The following SEMA6D variants were observed in gnomAD, a reference collection of about 807,000 sequenced individuals.
SEMA6D encodes semaphorin-6D.
SEMA6D carries 35 observed loss-of-function variants against 106.6 expected under a neutral mutation model. The ratio of observed to expected loss-of-function variants is 0.33; its 90% CI spans 0.25 to 0.44. SEMA6D has a LOEUF of 0.44. Ranked by LOEUF, SEMA6D falls within the 20% of genes least tolerant of loss-of-function variation. SEMA6D has a pLI of 1.00. For missense variants in SEMA6D, 1,185 were observed against 1,345.9 expected (o/e 0.88, Z 1.87); for synonymous variants, 499 against 487.7 (o/e 1.02, Z -0.31).
In SEMA6D at chr15:47,424,186, G is replaced by A. The variant is rs2041258808; in HGVS notation, c.-159+11714G>A. Among the ~76,000 whole-genome samples the A allele has an allele frequency of 1.3e-5, 2 of 151,990 alleles. 1 individual carries two copies. Among genetic ancestry groups the A allele is most frequent in the Middle Eastern group, 6.3e-3 (2 of 316 alleles). On this transcript the variant is annotated intron_variant, in intron 2 of 19. Coordinates refer to the SEMA6D transcript ENST00000558014. Reference sequence around the variant, plus strand: ...GAGTAGCTATGCTAACTAGGAAAGTGCACTCGAAACATCCTCTGATTAGAA... The same window carrying A: ...GAGTAGCTATGCTAACTAGGAAAGTACACTCGAAACATCCTCTGATTAGAA...
chr15:47,335,295 G>A (rs2037507992), intron 1 of SEMA6D, among the ~76,000 whole-genome samples: 1 of 152,134 alleles, frequency 6.6e-6, no homozygotes, highest in East Asian at 1.9e-4. Flanking sequence ...AGAAGAACAT[G>A]TTTGGGTTGA....
At position 47,612,778 on chromosome 15, in the gene SEMA6D, T is replaced by C. The variant is rs1420383837; in HGVS notation, c.-55+11882T>C. 1.2e-4 allele frequency among the ~76,000 whole-genome samples: 18 copies of C among 152,240 alleles called. No individual in the cohort carries two copies. In the East Asian group the frequency reaches 3.3e-3, roughly 28 times the overall value. On this transcript the variant is annotated intron_variant, in intron 4 of 19. Coordinates refer to the SEMA6D transcript ENST00000558014. ...TTTATTTTTTATTTTTTATTTTTTT[T>C]TTGGTGTCTGGAATGTTGAGATTGA...
chr15:47,771,008 T>C lies in SEMA6D; in HGVS notation c.2445T>C (p.Pro815=), dbSNP rs534361472. The C allele has an allele frequency of 1.2e-5, 19 of 1,614,094 alleles. 1 individual carries two copies. The highest frequency in any genetic ancestry group is 2.2e-5 in the East Asian group (1 of 44,860). ...TPQFFPSSPP[P]HSPLSHGHIP... ...AGTTTTTTCCGTCTAGTCCGCCACC[T>C]CATTCCCCATTAAGTCATGGGCATA... The change falls in exon 19 of 19, where the codon CCT becomes CCC. Residue 815 remains proline, a synonymous_variant. Coordinates refer to ENST00000536845, the MANE Select transcript of SEMA6D (RefSeq NM_001358351.3).
intron 1 of SEMA6D, among the ~76,000 whole-genome samples, chr15:47,756,892 T>A (rs2081774351): frequency 7.4e-6 from 1 of 135,224 alleles, no homozygotes; most frequent in Admixed American, 7.7e-5. Flanking sequence ...CAAGTCTGAA[T>A]GTAATTTTTT....
intron 1 of SEMA6D, among the ~76,000 whole-genome samples, chr15:47,301,362 T>C (rs995844947): frequency 3.3e-5 from 5 of 151,592 alleles, no homozygotes; most frequent in African/African-American, 1.2e-4. Context: ...ATCCAGACTA[T>C]CTACTGTCAG....
intron 3 of SEMA6D, among the ~76,000 whole-genome samples, chr15:47,575,937 T>C (rs953430156): frequency 3.9e-5 from 6 of 152,134 alleles, no homozygotes; most frequent in African/African-American, 1.4e-4. Flanking sequence ...TCCTTTCTGC[T>C]CCCCAGTCTT....
chr15:47,765,016 A>C lies in SEMA6D; in HGVS notation c.1387A>C (p.Ser463Arg). The C allele has an allele frequency of 6.2e-7, 1 of 1,613,916 alleles. No homozygotes were observed. The highest frequency in any genetic ancestry group is 8.5e-7 in the Non-Finnish European group (1 of 1,179,838). ...AKTSPFSLND[S>R]VLLEEIEAYN... ...GACCAGTCCTTTCTCTTTGAACGACAGCGTATTACTGGAAGAGATTGAAGC... is the reference window on the plus strand; with the variant it reads ...GACCAGTCCTTTCTCTTTGAACGACCGCGTATTACTGGAAGAGATTGAAGC... Residue 463 changes from serine (S) to arginine (R), a missense_variant, in exon 13 of 19, where the codon AGC (serine) becomes CGC (arginine). Transcript: ENST00000536845.
Position 47,226,695 on chromosome 15 carries a change from A to G in SEMA6D, c.-239+42277A>G, listed in dbSNP as rs1407515609. ...CAGGAGAGGATCAAAGAACTTGTGA[A>G]TAGTAAATAGTGTCAGAAACAATCA... On this transcript the variant is annotated intron_variant, in intron 1 of 19. Coordinates refer to the SEMA6D transcript ENST00000558014. Among the ~76,000 whole-genome samples, 4 of 152,210 alleles carry G rather than the reference A, an allele frequency of 2.6e-5. No homozygotes were observed. In the South Asian group the frequency reaches 8.3e-4, roughly 32 times the overall value.
At position 47,192,854 on chromosome 15, in the gene SEMA6D, A is replaced by G. The variant is rs74013738; in HGVS notation, c.-239+8436A>G. ...AATGTCTACTGAATAGAGACAATAG[A>G]AAAATCACAATAGAGAAAAACGTTG... On this transcript the variant is annotated intron_variant, in intron 1 of 19. Transcript: ENST00000558014. Among the ~76,000 whole-genome samples, 1,014 of 152,346 alleles carry G rather than the reference A, an allele frequency of 6.7e-3. 12 individuals are homozygous for G. Among genetic ancestry groups the G allele is most frequent in the African/African-American group, 0.023 (970 of 41,570 alleles).
intron 1 of SEMA6D, among the ~76,000 whole-genome samples, chr15:47,277,490 C>T (rs905385445): frequency 6.6e-6 from 1 of 151,802 alleles, no homozygotes; most frequent in Non-Finnish European, 1.5e-5. Context: ...AGAGGGAAGA[C>T]CATCTGCCAG....
intron 13 of SEMA6D, chr15:47,765,495 A>G: frequency 2.1e-6 from 2 of 959,682 alleles, no homozygotes; most frequent in Non-Finnish European, 1.3e-6. Context: ...AAAAAAACAA[A>G]TAAGAAATAG....
intron 1 of SEMA6D, among the ~76,000 whole-genome samples, chr15:47,269,209 T>C (rs950169001): frequency 1.1e-4 from 16 of 152,158 alleles, no homozygotes; most frequent in Non-Finnish European, 1.9e-4. Context: ...TGCCTGTGTA[T>C]GCTCTGTAGC....
chr15:47,337,915 C>T (rs1272585655), intron 1 of SEMA6D, among the ~76,000 whole-genome samples: 1 of 152,168 alleles, frequency 6.6e-6, no homozygotes, highest in Non-Finnish European at 1.5e-5. Flanking sequence ...ATCACCTCAA[C>T]AATTTTTTCC....
At chr15:47,571,142 C>CT (rs1178332660) in intron 3 of SEMA6D, among the ~76,000 whole-genome samples, 7 of 151,268 alleles carry the variant, frequency 4.6e-5, no homozygotes, top group Non-Finnish European at 7.4e-5. Flanking sequence ...TTCACTGTGA[C>CT]TTTTTTTTTA....
chr15:47,452,268 A>C (rs975722461), intron 2 of SEMA6D, among the ~76,000 whole-genome samples: 1 of 151,848 alleles, frequency 6.6e-6, no homozygotes, highest in Non-Finnish European at 1.5e-5. Context: ...GTCTTATAGA[A>C]ACCTATCATC....
In SEMA6D at chr15:47,771,037, C is replaced by T; in HGVS notation, c.2474C>T (p.Pro825Leu). 6.2e-7 allele frequency: 1 copy of T among 1,614,158 alleles called. No homozygotes were observed. The highest frequency in any genetic ancestry group is 8.5e-7 in the Non-Finnish European group (1 of 1,180,000). ...PHSPLSHGHI[P>L]SAIVLPNATH... ...TCCCCATTAAGTCATGGGCATATCCCCAGTGCCATTGTTCTTCCAAATGCT... is the reference window on the plus strand; with the variant it reads ...TCCCCATTAAGTCATGGGCATATCCTCAGTGCCATTGTTCTTCCAAATGCT... Residue 825 changes from proline to leucine, a missense_variant, in exon 19 of 19, where the codon CCC becomes CTC. Pro to Leu is a moderately conservative substitution (Grantham distance 98). Coordinates refer to ENST00000536845, the MANE Select transcript of SEMA6D (RefSeq NM_001358351.3).
intron 4 of SEMA6D, among the ~76,000 whole-genome samples, chr15:47,708,206 G>A (rs7180717): frequency 0.011 from 1,713 of 152,226 alleles, 24 homozygotes; most frequent in African/African-American, 0.04. Context: ...AACACATGAG[G>A]AAAACATTCA....
chr15:47,281,125 G>A (rs375898662), intron 1 of SEMA6D, among the ~76,000 whole-genome samples: 28 of 96,650 alleles, frequency 2.9e-4, no homozygotes, highest in African/African-American at 9.4e-4. Context: ...GTTGACAGTG[G>A]GGTGTTAAAG....
chr15:47,226,757 A>C (rs1454570590), intron 1 of SEMA6D, among the ~76,000 whole-genome samples: 1 of 152,076 alleles, frequency 6.6e-6, no homozygotes, highest in Admixed American at 6.6e-5. Context: ...CACAAAAAAA[A>C]CAAGATAAGC....
Sources: allele counts gnomAD v4.1 joint callset (sites outside exome capture counted in the v4.1 genomes callset), GRCh38; gene constraint gnomAD v4.1.1; transcripts MANE v1.5; gene names NCBI Gene and HGNC (gene_info 2026-07-23, HGNC 2026-07-21).